Variants in WNK3 observed in about 807,000 individuals in gnomAD.
WNK3 encodes the protein WNK lysine deficient protein kinase 3, also known as serine/threonine-protein kinase WNK3.
Under a neutral mutation model 116.7 loss-of-function variants are expected in WNK3, and 18 were observed. That is an observed-to-expected ratio of 0.15 (90% CI 0.11 to 0.23). The LOEUF (loss-of-function observed/expected upper bound fraction) is 0.23. WNK3 is among the 10% of genes least tolerant of loss of function. The pLI, the probability that WNK3 is intolerant of heterozygous loss-of-function variation, is 1.00. For synonymous variants in WNK3, 404 were observed against 469.4 expected (o/e 0.86, Z 1.80); for missense variants, 993 against 1,323.8 (o/e 0.75, Z 3.88).
chrX:54,240,813 G>T (rs1391907165), intron 17 of WNK3, among the ~76,000 whole-genome samples: 1 of 111,087 alleles, frequency 9.0e-6, no homozygotes, highest in East Asian at 2.8e-4. Flanking sequence ...CCTGTTTACT[G>T]GCCGCCTTTT....
intron 1 of WNK3, among the ~76,000 whole-genome samples, chrX:54,347,099 A>C (rs927478834): frequency 5.4e-5 from 6 of 112,138 alleles, no homozygotes; most frequent in Middle Eastern, 4.6e-3. Context: ...GGAGTCTCTT[A>C]CTAAGTTCAC....
exon 24 of WNK3, chrX:54,197,085 G>A (rs1363871267): frequency 6.3e-5 from 7 of 111,862 alleles, no homozygotes; most frequent in South Asian, 7.6e-4. Context: ...TGTAAGTCTC[G>A]AAACCTACTG....
At chrX:54,228,036 G>A (rs999003061) in intron 22 of WNK3, among the ~76,000 whole-genome samples, 7 of 110,960 alleles carry the variant, frequency 6.3e-5, no homozygotes, top group African/African-American at 1.3e-4. Flanking sequence ...GACTACAGGC[G>A]TGCGCCACCA....
chrX:54,285,243 T>TA (rs2068566903), intron 10 of WNK3, among the ~76,000 whole-genome samples: 1 of 109,871 alleles, frequency 9.1e-6, no homozygotes, highest in African/African-American at 3.3e-5. Flanking sequence ...CCCGTCTCTA[T>TA]AAAAAAATCA....
chrX:54,207,509 C>CTTT (rs782017192), intron 22 of WNK3, among the ~76,000 whole-genome samples: 25 of 84,280 alleles, frequency 3.0e-4, no homozygotes, highest in Non-Finnish European at 3.3e-4. Context: ...GCCCATTTAT[C>CTTT]TTTTTTTTTT....
intron 21 of WNK3, 166 bp downstream of exon 21, chrX:54,232,643 T>C (rs1289735209): frequency 4.4e-6 from 2 of 450,442 alleles, no homozygotes; most frequent in Non-Finnish European, 7.3e-6. Flanking sequence ...TAATCATTAC[T>C]ACATAAAAGG....
intron 10 of WNK3, among the ~76,000 whole-genome samples, chrX:54,285,626 T>G (rs1162108051): frequency 1.8e-5 from 2 of 112,000 alleles, no homozygotes; most frequent in Non-Finnish European, 3.8e-5. Flanking sequence ...TATGGTTGTT[T>G]TCATGCATAC....
intron 10 of WNK3, among the ~76,000 whole-genome samples, chrX:54,291,084 C>T (rs782470433): frequency 1.0e-3 from 112 of 111,134 alleles, no homozygotes; most frequent in African/African-American, 3.2e-3. Flanking sequence ...GAGGCCGAGG[C>T]GGGCGGATCA....
chrX:54,308,830 G>A (rs2068854993), intron 4 of WNK3, among the ~76,000 whole-genome samples: 1 of 111,563 alleles, frequency 9.0e-6, no homozygotes, highest in African/African-American at 3.3e-5. Context: ...TTCTGTTAAG[G>A]GCCAGATAGT....
intron 22 of WNK3, among the ~76,000 whole-genome samples, chrX:54,209,799 C>T (rs1235850416): frequency 1.8e-5 from 2 of 110,416 alleles, no homozygotes; most frequent in Non-Finnish European, 3.8e-5. Flanking sequence ...GATCTGCTCA[C>T]CTCAGCCTCC....
At chrX:54,302,793 C>T (rs2068781997) in intron 5 of WNK3, among the ~76,000 whole-genome samples, 1 of 80,365 alleles carries the variant, frequency 1.2e-5, no homozygotes, top group South Asian at 6.9e-4. Context: ...GACAGGGTCT[C>T]ACTCTGTCCA....
chrX:54,220,716 A>T (rs2067752232), intron 22 of WNK3, among the ~76,000 whole-genome samples: 1 of 111,295 alleles, frequency 9.0e-6, no homozygotes, highest in African/African-American at 3.3e-5. Flanking sequence ...AAGCAAAATA[A>T]TTTTTTTTCA....
chrX:54,336,420 C>A (rs782157872), intron 1 of WNK3, among the ~76,000 whole-genome samples: 2 of 106,335 alleles, frequency 1.9e-5, no homozygotes, highest in East Asian at 3.0e-4. Context: ...GGTGCTGGGA[C>A]AACTGGATAT....
chrX:54,224,670 C>T (rs977756010), intron 22 of WNK3, among the ~76,000 whole-genome samples: 4 of 108,415 alleles, frequency 3.7e-5, no homozygotes, highest in Non-Finnish European at 3.8e-5. Flanking sequence ...CCCGGGTTCA[C>T]GCCATTCTCC....
chrX:54,254,972 C>T (rs1362188267), intron 12 of WNK3, among the ~76,000 whole-genome samples: 5 of 110,657 alleles, frequency 4.5e-5, no homozygotes, highest in African/African-American at 1.6e-4. Flanking sequence ...CAACTTACTT[C>T]GCTCCTCTGA....
chrX:54,355,521 A>G (rs1217770977), intron 1 of WNK3, among the ~76,000 whole-genome samples: 7 of 110,970 alleles, frequency 6.3e-5, no homozygotes, highest in Non-Finnish European at 1.3e-4. Context: ...AAACCAGGAA[A>G]GGCTTTCAGG....
intron 1 of WNK3, among the ~76,000 whole-genome samples, chrX:54,343,921 A>G (rs2069368268): frequency 9.0e-6 from 1 of 110,825 alleles, no homozygotes. Flanking sequence ...TTGGCCTCCC[A>G]AAGTGCTGGG....
chrX:54,236,691 G>A (rs2067965259), intron 20 of WNK3, among the ~76,000 whole-genome samples: 1 of 111,627 alleles, frequency 9.0e-6, no homozygotes. Context: ...TGAAGAATAA[G>A]GATTGTAAAG....
At chrX:54,251,063 TA>T (rs2068124440) in intron 15 of WNK3, among the ~76,000 whole-genome samples, 2 of 111,992 alleles carry the variant, frequency 1.8e-5, no homozygotes, top group African/African-American at 6.5e-5. Flanking sequence ...TGACTTTTGT[TA>T]AAAAGTTTCT....
Sources: allele counts gnomAD v4.1 joint callset (sites outside exome capture counted in the v4.1 genomes callset), GRCh38; gene constraint gnomAD v4.1.1; transcripts MANE v1.5; gene names NCBI Gene and HGNC (gene_info 2026-07-23, HGNC 2026-07-21).